The following EIF3I variants were observed in gnomAD, a reference collection of about 807,000 sequenced individuals.
EIF3I encodes eukaryotic translation initiation factor 3 subunit I.
In EIF3I, 20 loss-of-function variants were observed where a neutral mutation model predicts 43.3. The observed-to-expected ratio is 0.46, with a 90% CI of 0.32 to 0.67. The LOEUF (loss-of-function observed/expected upper bound fraction) is 0.67, where lower values mean the gene tolerates loss of function less well. Ranked by LOEUF, EIF3I falls within the 30% of genes least tolerant of loss-of-function variation. The probability of loss-of-function intolerance (pLI) is 0.03; values close to 1 mark genes in which losing one functional copy is unlikely to be tolerated. For synonymous variants in EIF3I, 167 were observed against 151.7 expected, an observed-to-expected ratio of 1.10 and a Z score of -0.74; for missense variants, 279 against 421.4, an observed-to-expected ratio of 0.66 and a Z score of 2.96.
downstream of EIF3I, chr1:32,231,918 C>T (rs1196158936): frequency 1.3e-5 from 2 of 152,962 alleles, no homozygotes; most frequent in Non-Finnish European, 2.9e-5. Context: ...CACACTCTTC[C>T]CCCATGCAGC....
chr1:32,228,194 A>G (rs1315875357), intron 6 of EIF3I, among the ~76,000 whole-genome samples: 1 of 152,196 alleles, frequency 6.6e-6, no homozygotes, highest in African/African-American at 2.4e-5. Flanking sequence ...CAGTGTGAGG[A>G]GGTAAAGAGT....
intron 2 of EIF3I, 46 bp from the exon 3 acceptor site, chr1:32,223,988 T>C (rs962807799): frequency 1.9e-5 from 30 of 1,585,520 alleles, no homozygotes; most frequent in Non-Finnish European, 2.3e-5. Context: ...TAGGAAGCCA[T>C]TGCTCTTACT....
At chr1:32,226,729 G>A (rs934379564) in intron 6 of EIF3I, among the ~76,000 whole-genome samples, 199 bp downstream of exon 6, 3 of 150,632 alleles carry the variant, frequency 2.0e-5, no homozygotes, top group Admixed American at 6.6e-5. Flanking sequence ...ACCGCACCTG[G>A]CTAATTTTTT....
chr1:32,231,913 T>A (rs1227492413), downstream of EIF3I: 1 of 152,920 alleles, frequency 6.5e-6, no homozygotes, highest in African/African-American at 2.4e-5. Flanking sequence ...TTTGCCACAC[T>A]CTTCCCCCAT....
chr1:32,228,445 G>A, intron 6 of EIF3I, 54 bp from the exon 7 acceptor site: 1 of 1,485,952 alleles, frequency 6.7e-7, no homozygotes, highest in Non-Finnish European at 9.4e-7. Flanking sequence ...TTTCTGGGGA[G>A]CTGAGATTAG....
chr1:32,234,448 T>C (rs1487193341), downstream of EIF3I: 2 of 152,500 alleles, frequency 1.3e-5, no homozygotes, highest in Non-Finnish European at 2.9e-5. Context: ...AGAGGAGGCA[T>C]AGGCGTGCCC....
chr1:32,229,380 C>A (rs1003441357), intron 9 of EIF3I, among the ~76,000 whole-genome samples, 172 bp downstream of exon 9: 1 of 151,888 alleles, frequency 6.6e-6, no homozygotes, highest in Non-Finnish European at 1.5e-5. Flanking sequence ...CCTGCCTCAG[C>A]GGCCCAGGCG....
downstream of EIF3I, chr1:32,235,137 CT>C: frequency 6.5e-6 from 1 of 152,762 alleles, no homozygotes; most frequent in Non-Finnish European, 1.5e-5. Flanking sequence ...GTCTGGTCAT[CT>C]TTTCCAGCTC....
intron 2 of EIF3I, 118 bp downstream of exon 2, chr1:32,222,748 G>A (rs1639041541): frequency 1.9e-6 from 2 of 1,026,730 alleles, no homozygotes; most frequent in Non-Finnish European, 3.0e-6. Flanking sequence ...TGAGAAGTAG[G>A]GAGAGGCCAT....
rs115858570 is a variant in EIF3I, at chr1:32,231,175, C to T, written c.1068C>T (p.Phe356=). The change falls in exon 12 of 12, where the codon TTC becomes TTT. Residue 356 remains phenylalanine, a synonymous_variant. Transcript: ENST00000676679. ...TCCATTACTTCGACCCACAGTACTT[C>T]GAATTTGAGTTTGAGGCTTAAGAAG... 4.7e-3 allele frequency: 7,611 copies of T among 1,613,790 alleles called. 22 individuals carry two copies. Among genetic ancestry groups the T allele is most frequent in the South Asian group, 5.6e-3 (510 of 91,038 alleles).
At chr1:32,235,674 C>T (rs1639290422), downstream of EIF3I, among the ~76,000 whole-genome samples, 2 of 152,108 alleles carry the variant, frequency 1.3e-5, no homozygotes, top group African/African-American at 4.8e-5. Flanking sequence ...GACTCAAGAC[C>T]CTTTGAGAAA....
intron 6 of EIF3I, among the ~76,000 whole-genome samples, 191 bp downstream of exon 6, chr1:32,226,721 C>G (rs549800882): frequency 2.6e-5 from 4 of 151,212 alleles, no homozygotes; most frequent in Non-Finnish European, 4.4e-5. Flanking sequence ...TGCATGCCAC[C>G]GCACCTGGCT....
downstream of EIF3I, among the ~76,000 whole-genome samples, chr1:32,235,362 T>C (rs1364205083): frequency 6.6e-6 from 1 of 151,948 alleles, no homozygotes; most frequent in East Asian, 1.9e-4. Flanking sequence ...GACGGAATCT[T>C]GCTCTGTCTC....
chr1:32,224,838 A>ATT (rs769672518), intron 4 of EIF3I, among the ~76,000 whole-genome samples: 2 of 140,088 alleles, frequency 1.4e-5, no homozygotes, highest in Admixed American at 1.4e-4. Flanking sequence ...TGCTTGGCTG[A>ATT]TTTTTTTTTT....
chr1:32,226,302 C>T (rs2124262815), exon 5 of EIF3I: 4 of 1,614,008 alleles, frequency 2.5e-6, no homozygotes, highest in Non-Finnish European at 3.4e-6. Context: ...TTTTGACCTG[C>T]GGGATCCGAG....
chr1:32,224,348 T>C, intron 3 of EIF3I, 62 bp from the exon 4 acceptor site: 1 of 1,428,626 alleles, frequency 7.0e-7, no homozygotes, highest in Non-Finnish European at 9.9e-7. Flanking sequence ...GATGATTCAC[T>C]TGGCATCCCA....
downstream of EIF3I, chr1:32,234,790 G>T (rs1021379769): frequency 6.6e-6 from 1 of 152,294 alleles, no homozygotes; most frequent in African/African-American, 2.4e-5. Flanking sequence ...GGCCAGTGAA[G>T]TCACAAGCAG....
intron 6 of EIF3I, among the ~76,000 whole-genome samples, chr1:32,227,137 A>C (rs1238364812): frequency 6.6e-6 from 1 of 151,380 alleles, no homozygotes; most frequent in Non-Finnish European, 1.5e-5. Context: ...GCAGGGCTGT[A>C]TGCTGTGGCT....
intron 9 of EIF3I, among the ~76,000 whole-genome samples, chr1:32,229,537 C>T (rs1178476975): frequency 3.5e-4 from 50 of 141,792 alleles, no homozygotes; most frequent in Middle Eastern, 4.7e-3. Flanking sequence ...CATGAGCCAC[C>T]GTGCCCAGCC....
Sources: allele counts gnomAD v4.1 joint callset (sites outside exome capture counted in the v4.1 genomes callset), GRCh38; gene constraint gnomAD v4.1.1; transcripts MANE v1.5; gene names NCBI Gene and HGNC (gene_info 2026-07-23, HGNC 2026-07-21).